The following DOCK10 variants were observed in gnomAD, a reference collection of about 807,000 sequenced individuals.
DOCK10 encodes the protein dedicator of cytokinesis 10.
A neutral mutation model predicts 280.1 loss-of-function variants in DOCK10; 145 were observed. The observed-to-expected ratio is 0.52, with a 90% CI of 0.45 to 0.59. The LOEUF (loss-of-function observed/expected upper bound fraction) is 0.59. Ranked by LOEUF, DOCK10 falls within the 20% of genes least tolerant of loss-of-function variation. DOCK10 has a pLI of 0.00. For missense variants in DOCK10, 2,368 were observed against 2,651.7 expected (o/e 0.89, Z 2.35); for synonymous variants, 915 against 942.2 (o/e 0.97, Z 0.53).
intron 1 of DOCK10, among the ~76,000 whole-genome samples, chr2:225,035,542 T>TATTATA (rs1415059109): frequency 1.2e-4 from 6 of 50,016 alleles, no homozygotes; most frequent in African/African-American, 4.5e-4. Context: ...ATGATATATA[T>TATTATA]TATATATATA....
intron 39 of DOCK10, among the ~76,000 whole-genome samples, chr2:224,803,452 A>T (rs1693149444): frequency 6.6e-6 from 1 of 152,076 alleles, no homozygotes. Context: ...GGGAAGAATA[A>T]ATCAAAGTGG....
In DOCK10 at chr2:224,845,584, T is replaced by C. The variant is rs1355179618; in HGVS notation, c.2294A>G (p.Tyr765Cys). ...HEKHHILFSFYHVTCDINAKA... is the reference protein window; with the variant it reads ...HEKHHILFSFCHVTCDINAKA... ...TGCATTGATGTCACAGGTGACGTGATAAAAAGAAAACAAAATATGGTGTTT... is the reference window on the plus strand; with the variant it reads ...TGCATTGATGTCACAGGTGACGTGACAAAAAGAAAACAAAATATGGTGTTT... Residue 765 changes from tyrosine to cysteine, a missense_variant, in exon 20 of 56, where the codon TAT (tyrosine) becomes TGT (cysteine). Coordinates refer to ENST00000258390, the MANE Select transcript of DOCK10 (RefSeq NM_014689.3). 3 of 1,613,370 alleles carry C rather than the reference T, an allele frequency of 1.9e-6. No individual in the cohort carries two copies. Among genetic ancestry groups the C allele is most frequent in the East Asian group, 4.5e-5 (2 of 44,896 alleles).
chr2:225,030,362 G>T (rs1254943593), intron 1 of DOCK10, among the ~76,000 whole-genome samples: 1 of 152,090 alleles, frequency 6.6e-6, no homozygotes, highest in African/African-American at 2.4e-5. Context: ...CACAACTCTG[G>T]TGATTTAGTA....
At chr2:225,031,190 G>C (rs772199471) in intron 1 of DOCK10, among the ~76,000 whole-genome samples, 1 of 152,206 alleles carries the variant, frequency 6.6e-6, no homozygotes, top group African/African-American at 2.4e-5. Context: ...CATTTGGACT[G>C]TGGATAGCTC....
In DOCK10 at chr2:224,921,045, A is replaced by C. The variant is rs993546084; in HGVS notation, c.244-4261T>G. 2.5e-4 allele frequency among the ~76,000 whole-genome samples: 35 copies of C among 142,622 alleles called. 1 individual carries two copies. The highest frequency in any genetic ancestry group is 4.7e-4 in the Non-Finnish European group (31 of 66,362). The allele number at this position is 142,622 out of a possible 152,430, so 93.6% of individuals were successfully genotyped here. A position where few individuals can be genotyped will look rare whatever the true frequency, so the allele number is the denominator to read the frequency against. On this transcript the variant is annotated intron_variant, in intron 2 of 55. Coordinates refer to ENST00000258390, the MANE Select transcript of DOCK10 (RefSeq NM_014689.3). Reference sequence around the variant, plus strand: ...TGAGGTGGGCAGACCAATTGAGGTCAAGAGTTTGAGACCAGCCTGGCCAAC... The same window carrying C: ...TGAGGTGGGCAGACCAATTGAGGTCCAGAGTTTGAGACCAGCCTGGCCAAC...
chr2:224,878,366 A>G (rs1295075486), intron 7 of DOCK10, among the ~76,000 whole-genome samples: 1 of 152,246 alleles, frequency 6.6e-6, no homozygotes, highest in Non-Finnish European at 1.5e-5. Flanking sequence ...GAGATTAATT[A>G]AAATGTGTTT....
At chr2:224,870,966 A>T (rs530592997) in intron 11 of DOCK10, among the ~76,000 whole-genome samples, 47 of 151,998 alleles carry the variant, frequency 3.1e-4, no homozygotes, top group African/African-American at 1.1e-3. Flanking sequence ...AGCTGGGACT[A>T]CAGGCGTGTG....
chr2:224,960,730 CTT>C (rs71281764), intron 1 of DOCK10, among the ~76,000 whole-genome samples: 2 of 70,252 alleles, frequency 2.8e-5, no homozygotes, highest in Admixed American at 1.9e-4. Context: ...TCACCAAATT[CTT>C]TTTTTTTTTT....
chr2:224,803,300 TACTTTCTC>T (rs994269559), intron 39 of DOCK10, among the ~76,000 whole-genome samples: 7 of 152,176 alleles, frequency 4.6e-5, no homozygotes, highest in Non-Finnish European at 8.8e-5. Flanking sequence ...TTTTTTCATT[TACTTTCTC>T]ACAAGGGGGC....
chr2:224,817,349 C>A (rs1694195974), intron 29 of DOCK10, among the ~76,000 whole-genome samples: 1 of 152,130 alleles, frequency 6.6e-6, no homozygotes, highest in Non-Finnish European at 1.5e-5. Context: ...TAAGCATGTT[C>A]CTGACTGCTC....
intron 31 of DOCK10, among the ~76,000 whole-genome samples, chr2:224,811,043 C>T (rs1270601546): frequency 2.6e-5 from 4 of 152,066 alleles, no homozygotes; most frequent in Non-Finnish European, 4.4e-5. Flanking sequence ...AGTTCGAGAT[C>T]CCTGAGGAAT....
intron 16 of DOCK10, among the ~76,000 whole-genome samples, chr2:224,853,581 T>G (rs1464220035): frequency 6.6e-6 from 1 of 152,218 alleles, no homozygotes; most frequent in African/African-American, 2.4e-5. Flanking sequence ...TCTCTAAATA[T>G]CTCTCTACAG....
At chr2:224,876,336 T>A in intron 7 of DOCK10, 115 bp from the exon 8 acceptor site, 1 of 922,492 alleles carries the variant, frequency 1.1e-6, no homozygotes, top group East Asian at 2.8e-5. Flanking sequence ...ATAGATAACA[T>A]AAAGAAAATT....
In DOCK10 at chr2:224,797,803, A is replaced by G. The variant is rs757953411; in HGVS notation, c.4644+29T>C. The stretch of plus-strand genomic sequence containing the variant: ...CTATGGGTTTACTGTCATCCTACCT[A>G]AACTTCATTGAAACCTGGAGATCCT... On this transcript the variant is annotated intron_variant, in intron 42 of 55. Coordinates refer to ENST00000258390, the MANE Select transcript of DOCK10 (RefSeq NM_014689.3). The G allele has an allele frequency of 1.9e-6, 3 of 1,606,446 alleles. No individual in the cohort carries two copies. In the African/African-American group the frequency reaches 4.0e-5, roughly 22 times the overall value.
chr2:224,921,106 A>ATATATAT (rs1553613917), intron 2 of DOCK10, among the ~76,000 whole-genome samples: 10 of 57,822 alleles, frequency 1.7e-4, no homozygotes, highest in African/African-American at 4.8e-4. Flanking sequence ...AAAAAAAAAA[A>ATATATAT]AAAAAAATAT....
intron 46 of DOCK10, 133 bp downstream of exon 46, chr2:224,793,267 T>TA: frequency 2.5e-6 from 2 of 811,490 alleles, no homozygotes; most frequent in Middle Eastern, 3.3e-4. Context: ...TACAGCATAA[T>TA]TAGAAGTATC....
At position 224,793,384 on chromosome 2, in the gene DOCK10, C is replaced by G. The variant is rs765947439; in HGVS notation, c.5212+16G>C. On this transcript the variant is annotated intron_variant, in intron 46 of 55. Transcript: ENST00000258390. ...TGATATCTAGGCTTTTTGCCTCCCT[C>G]ATGTGGTCATCTTACCCTTTCTTTT... The G allele has an allele frequency of 6.2e-6, 10 of 1,608,788 alleles. No individual in the cohort carries two copies. Among genetic ancestry groups the G allele is most frequent in the South Asian group, 2.2e-5 (2 of 90,262 alleles).
At chr2:224,999,850 T>C (rs1706379999) in intron 1 of DOCK10, among the ~76,000 whole-genome samples, 1 of 152,090 alleles carries the variant, frequency 6.6e-6, no homozygotes. Flanking sequence ...AGTCTGACAG[T>C]ATGCAACAGT....
In DOCK10 at chr2:224,805,542, G is replaced by A. The variant is rs1160265561; in HGVS notation, c.3815-13C>T. Reference sequence around the variant, plus strand: ...ATTGATGAAAATGCTGTAAACACAAGCCACAGCACACGTATGGGAATGAGA... The same window carrying A: ...ATTGATGAAAATGCTGTAAACACAAACCACAGCACACGTATGGGAATGAGA... On this transcript the variant is annotated splice_polypyrimidine_tract_variant and intron_variant, in intron 34 of 55. Transcript: ENST00000258390. The surrounding 1 kb of genome is among the most constrained non-coding windows in gnomAD (Gnocchi z 4.3). 14 of 1,611,574 alleles carry A rather than the reference G, an allele frequency of 8.7e-6. No homozygotes were observed. The highest frequency in any genetic ancestry group is 1.2e-5 in the Non-Finnish European group (14 of 1,178,590).
Sources: allele counts gnomAD v4.1 joint callset (sites outside exome capture counted in the v4.1 genomes callset), GRCh38; gene constraint gnomAD v4.1.1; non-coding constraint Gnocchi (gnomAD v3.1); transcripts MANE v1.5; gene names NCBI Gene and HGNC (gene_info 2026-07-23, HGNC 2026-07-21).